The following MCM9 variants were observed in gnomAD, a reference collection of about 807,000 sequenced individuals.
The protein encoded by MCM9 is DNA helicase MCM9.
Under a neutral mutation model 72.8 loss-of-function variants are expected in MCM9, and 55 were observed. The ratio of observed to expected loss-of-function variants is 0.76; its 90% CI spans 0.61 to 0.95. The LOEUF (loss-of-function observed/expected upper bound fraction) is 0.95. Ranked by LOEUF, MCM9 falls within the 40% of genes least tolerant of loss-of-function variation. The pLI is 0.00. For synonymous variants in MCM9, 480 were observed against 503.4 expected, an observed-to-expected ratio of 0.95 and a Z score of 0.62; for missense variants, 1,279 against 1,377.0, an observed-to-expected ratio of 0.93 and a Z score of 1.13.
chr6:118,907,630 T>G, intron 8 of MCM9: 1 of 1,585,958 alleles, frequency 6.3e-7, no homozygotes, highest in Non-Finnish European at 8.7e-7. Context: ...TACCATCCCT[T>G]TAGTACAAAT....
intron 5 of MCM9, 31 bp from the exon 6 acceptor site, chr6:118,917,792 T>A (rs745626273): frequency 6.3e-7 from 1 of 1,575,384 alleles, no homozygotes; most frequent in African/African-American, 1.3e-5. Context: ...AGTCCAGCAG[T>A]AGCATCCTGC....
At chr6:118,891,216 C>T (rs1778920955) in intron 8 of MCM9, among the ~76,000 whole-genome samples, 1 of 152,150 alleles carries the variant, frequency 6.6e-6, no homozygotes, top group Non-Finnish European at 1.5e-5. Flanking sequence ...AGAATGGCAA[C>T]AGCACACCAC....
chr6:118,874,028 C>T (rs369163831), intron 8 of MCM9, among the ~76,000 whole-genome samples: 3 of 152,098 alleles, frequency 2.0e-5, no homozygotes, highest in Non-Finnish European at 2.9e-5. Flanking sequence ...CAAAGGTGGG[C>T]GGATTGCTTG....
At chr6:118,843,704 G>GTATATATATATGTATATATATATATATA (rs1393873992) in intron 9 of MCM9, among the ~76,000 whole-genome samples, 1 of 60,844 alleles carries the variant, frequency 1.6e-5, no homozygotes, top group Non-Finnish European at 3.2e-5. Flanking sequence ...ATATATATAT[G>GTATATATATATGTATATATATATATATA]TATGTATATA....
In MCM9 at chr6:118,828,086, T is replaced by C; in HGVS notation, c.1573A>G (p.Lys525Glu). Residue 525 changes from lysine (K) to glutamate (E), a missense_variant, in exon 11 of 14, where the codon AAA becomes GAA. Physicochemically the swap from Lys to Glu is moderately conservative, Grantham distance 56. Transcript: ENST00000619706. ...TTCCTTATGAGGCAGAAATAGGTTT[T>C]CATCTTTTCCATGCTCCAGAGCTTC... is the stretch of plus-strand genomic sequence containing the variant. Reference protein sequence around the residue: ...SEKLWSMEKMKTYFCLIRNLQ... With the variant: ...SEKLWSMEKMETYFCLIRNLQ... 1 of 1,550,610 alleles carries C rather than the reference T, an allele frequency of 6.4e-7. No individual in the cohort carries two copies. Among genetic ancestry groups the C allele is most frequent in the Non-Finnish European group, 8.7e-7 (1 of 1,147,010 alleles).
chr6:118,918,535 C>T lies in MCM9; in HGVS notation c.704-774G>A, dbSNP rs188506414. ...CAAACACTGCCATCTGTACTTGTTA[C>T]GACATACAATGCAATGCATCAGTTA... On this transcript the variant is annotated intron_variant, in intron 5 of 13. Coordinates refer to ENST00000619706, the MANE Select transcript of MCM9 (RefSeq NM_017696.3). 30 of 152,252 alleles carry T rather than the reference C, an allele frequency of 2.0e-4. No homozygotes were observed. In the East Asian group the frequency reaches 2.5e-3, roughly 13 times the overall value. 9.4% of individuals were successfully genotyped at this position (152,252 alleles called of 1,614,324 possible).
intron 8 of MCM9, among the ~76,000 whole-genome samples, chr6:118,856,759 T>TA (rs1776578734): frequency 6.6e-6 from 1 of 152,062 alleles, no homozygotes. Context: ...TGTGCACCTG[T>TA]AATTTCAGCT....
chr6:118,906,909 T>C (rs552322746), intron 8 of MCM9, among the ~76,000 whole-genome samples: 10 of 152,302 alleles, frequency 6.6e-5, no homozygotes, highest in Admixed American at 2.0e-4. Flanking sequence ...ATCCAATTTG[T>C]TATCCCTGAA....
intron 1 of MCM9, among the ~76,000 whole-genome samples, chr6:118,933,687 T>C (rs1352265522): frequency 2.0e-5 from 3 of 152,190 alleles, no homozygotes; most frequent in Non-Finnish European, 1.5e-5. Flanking sequence ...GTACGTGTTA[T>C]ACACGCTATT....
At chr6:118,888,641 A>C (rs911890228) in intron 8 of MCM9, among the ~76,000 whole-genome samples, 2 of 152,232 alleles carry the variant, frequency 1.3e-5, no homozygotes, top group African/African-American at 4.8e-5. Context: ...TGTTAATAGC[A>C]GCATTTTGTG....
intron 8 of MCM9, chr6:118,911,042 A>AT: frequency 1.0e-6 from 1 of 983,756 alleles, no homozygotes; most frequent in Non-Finnish European, 1.2e-6. Flanking sequence ...CATCAAACAT[A>AT]TTTTTTAAAA....
chr6:118,859,754 C>T (rs1562413582), intron 8 of MCM9, among the ~76,000 whole-genome samples: 1 of 152,150 alleles, frequency 6.6e-6, no homozygotes, highest in Admixed American at 6.5e-5. Flanking sequence ...GGAAAAGGAA[C>T]CATTTAGAAA....
chr6:118,884,849 C>A (rs1778500044), intron 8 of MCM9, among the ~76,000 whole-genome samples: 1 of 152,094 alleles, frequency 6.6e-6, no homozygotes, highest in East Asian at 1.9e-4. Flanking sequence ...AGGATAAAAT[C>A]ATCAACTCAT....
At position 118,815,274 on chromosome 6, in the gene MCM9, C is replaced by T. The variant is rs575924369; in HGVS notation, c.2982G>A (p.Ser994=). 12 of 1,550,666 alleles carry T rather than the reference C, an allele frequency of 7.7e-6. No homozygotes were observed. The highest frequency in any genetic ancestry group is 4.1e-5 in the African/African-American group (3 of 73,146). The change falls in exon 14 of 14, where the codon TCG becomes TCA. Residue 994 remains serine (S), a synonymous_variant. Coordinates refer to ENST00000619706, the MANE Select transcript of MCM9 (RefSeq NM_017696.3). ...SQPQGETKEV[S]QQPPEKHGPR... is the part of the protein sequence containing the mutation. ...GTCCGTGTTTCTCTGGTGGCTGCTG[C>T]GACACCTCCTTTGTCTCACCCTGTG... is the stretch of plus-strand genomic sequence containing the variant.
intron 8 of MCM9, chr6:118,894,529 G>A (rs1267140528): frequency 1.3e-5 from 20 of 1,535,286 alleles, no homozygotes; most frequent in Non-Finnish European, 1.7e-5. Flanking sequence ...GAAGGTGAGT[G>A]CGGCGCCCGT....
intron 8 of MCM9, among the ~76,000 whole-genome samples, chr6:118,862,199 T>C (rs1336255826): frequency 2.6e-5 from 4 of 152,036 alleles, no homozygotes; most frequent in African/African-American, 9.7e-5. Flanking sequence ...CCCCCAAGAG[T>C]GCAGGGATGC....
rs73766832 is a variant in MCM9 at position 118,907,219 on chromosome 6, G to C, written c.1150+4431C>G. Among the ~76,000 whole-genome samples the C allele has an allele frequency of 0.039, 5,953 of 152,164 alleles. 257 individuals are homozygous for C. The highest frequency in any genetic ancestry group is 0.11 in the African/African-American group (4,462 of 41,498). On this transcript the variant is annotated intron_variant, in intron 8 of 13. Transcript: ENST00000619706. ...TCTGTTAATCTAAAATAACTTCTTT[G>C]CTACAGCCCTAGTCGTTACATCTTA...
At chr6:118,864,443 A>G (rs1044821272) in intron 8 of MCM9, among the ~76,000 whole-genome samples, 4 of 152,194 alleles carry the variant, frequency 2.6e-5, no homozygotes, top group African/African-American at 9.6e-5. Context: ...ATGGCAGAAC[A>G]GGAAGCTCCT....
At position 118,913,431 on chromosome 6, in the gene MCM9, C is replaced by G. The variant is rs369479642; in HGVS notation, c.905-11G>C. On this transcript the variant is annotated splice_polypyrimidine_tract_variant and intron_variant, in intron 6 of 13. Coordinates refer to ENST00000619706, the MANE Select transcript of MCM9 (RefSeq NM_017696.3). ...ATATTACATTCCTTCCTAGGAAAAG[C>G]AGAAAGATCAGAAATCAGCAATAAT... 8.7e-6 allele frequency: 14 copies of G among 1,610,884 alleles called. No homozygotes were observed. The African/African-American group carries it at 1.1e-4, about 12-fold the overall frequency.
Sources: allele counts gnomAD v4.1 joint callset (sites outside exome capture counted in the v4.1 genomes callset), GRCh38; gene constraint gnomAD v4.1.1; transcripts MANE v1.5; gene names NCBI Gene and HGNC (gene_info 2026-07-23, HGNC 2026-07-21).